Variants in ATG7 observed in about 807,000 individuals in gnomAD.
ATG7 encodes autophagy related 7, also known as ubiquitin-like modifier-activating enzyme ATG7.
Under a neutral mutation model 82.4 loss-of-function variants are expected in ATG7, and 70 were observed. That is an observed-to-expected ratio of 0.85 (90% confidence interval 0.70 to 1.04). ATG7 has a LOEUF of 1.04. Among genes scored for constraint, ATG7 ranks in the 50% least tolerant of loss-of-function variants. The pLI is 0.00. For missense variants in ATG7, 792 were observed against 864.3 expected, an observed-to-expected ratio of 0.92 and a Z score of 1.05; for synonymous variants, 287 against 313.0, an observed-to-expected ratio of 0.92 and a Z score of 0.88.
intron 19 of ATG7, among the ~76,000 whole-genome samples, chr3:11,423,635 G>T (rs1293364746): frequency 6.6e-6 from 1 of 151,384 alleles, no homozygotes; most frequent in African/African-American, 2.4e-5. Context: ...TTTTTCCAGG[G>T]GGTTAGGCTG....
intron 18 of ATG7, among the ~76,000 whole-genome samples, chr3:11,366,091 A>G (rs1364583794): frequency 6.6e-6 from 1 of 151,812 alleles, no homozygotes; most frequent in African/African-American, 2.4e-5. Context: ...GATAGTGTGC[A>G]CCTGTAATCC....
chr3:11,484,083 G>T (rs556770630), intron 20 of ATG7, among the ~76,000 whole-genome samples: 7 of 152,170 alleles, frequency 4.6e-5, no homozygotes, highest in Non-Finnish European at 5.9e-5. Context: ...CTAAGAGGAA[G>T]GTGATAGGCC....
At position 11,361,318 on chromosome 3, in the gene ATG7, C is replaced by T. The variant is rs550161947; in HGVS notation, c.1683+534C>T. Reference sequence around the variant, plus strand: ...TTTTTTTTTTGAGACAGAGTTTCGCCCTGTCACCCAGGCTCGAGTGCAGTG... The same window carrying T: ...TTTTTTTTTTGAGACAGAGTTTCGCTCTGTCACCCAGGCTCGAGTGCAGTG... On this transcript the variant is annotated intron_variant, in intron 16 of 20. Transcript: ENST00000693202. 1.3e-4 allele frequency among the ~76,000 whole-genome samples: 19 copies of T among 151,258 alleles called. No homozygotes were observed. In the South Asian group the frequency reaches 3.6e-3, roughly 28 times the overall value.
chr3:11,275,016 G>T (rs1016853389), intron 1 of ATG7, among the ~76,000 whole-genome samples: 1 of 151,914 alleles, frequency 6.6e-6, no homozygotes, highest in Non-Finnish European at 1.5e-5. Flanking sequence ...GGGTATAGTT[G>T]CAGTGATCCA....
rs528582169 is a variant in ATG7 at position 11,536,037 on chromosome 3, T to C, written c.2080-18774T>C. On this transcript the variant is annotated intron_variant, in intron 20 of 20. Coordinates refer to ENST00000693202, the MANE Select transcript of ATG7 (RefSeq NM_001349232.2). ...CCAACTGCTGGGGCCTCCATCTCCA[T>C]GGGTTCTAAAGGAAAGGGGCCTCAT... Among the ~76,000 whole-genome samples the C allele has an allele frequency of 1.7e-3, 257 of 152,184 alleles. 8 individuals are homozygous for C. Among genetic ancestry groups the C allele is most frequent in the Admixed American group, 0.013 (193 of 15,290 alleles).
At chr3:11,348,084 A>T (rs1027855060) in intron 14 of ATG7, 49 bp downstream of exon 14, 1 of 1,551,926 alleles carries the variant, frequency 6.4e-7, no homozygotes, top group Non-Finnish European at 8.7e-7. Context: ...ATAAATGTTT[A>T]AGTCTTGGGA....
chr3:11,315,264 A>G, intron 8 of ATG7, 80 bp from the exon 9 acceptor site: 1 of 1,284,118 alleles, frequency 7.8e-7, no homozygotes, highest in Non-Finnish European at 1.0e-6. Flanking sequence ...GTTTTAAGGT[A>G]CCTTTTTTTT....
chr3:11,350,300 AT>A (rs1411418440), intron 14 of ATG7, among the ~76,000 whole-genome samples: 1 of 152,252 alleles, frequency 6.6e-6, no homozygotes, highest in African/African-American at 2.4e-5. Context: ...CAACCCTGTC[AT>A]TGAGGAGGCA....
intron 19 of ATG7, among the ~76,000 whole-genome samples, chr3:11,411,140 C>G (rs2080855079): frequency 6.6e-6 from 1 of 152,082 alleles, no homozygotes; most frequent in Non-Finnish European, 1.5e-5. Flanking sequence ...AGTAGCCATT[C>G]TAATGTATGT....
chr3:11,297,858 C>T (rs1946195563), intron 3 of ATG7, among the ~76,000 whole-genome samples: 2 of 152,058 alleles, frequency 1.3e-5, no homozygotes, highest in South Asian at 4.1e-4. Flanking sequence ...CAGGACCACA[C>T]AAGATGGCAA....
intron 20 of ATG7, among the ~76,000 whole-genome samples, chr3:11,462,833 T>C (rs1414332869): frequency 6.7e-6 from 1 of 148,814 alleles, no homozygotes; most frequent in Non-Finnish European, 1.5e-5. Context: ...CTGGCTCCTC[T>C]CAGATATTTT....
At chr3:11,460,973 T>C (rs1468743947) in intron 20 of ATG7, among the ~76,000 whole-genome samples, 2 of 152,166 alleles carry the variant, frequency 1.3e-5, no homozygotes, top group African/African-American at 4.8e-5. Context: ...CTTTTCAGAA[T>C]ATATACAGTA....
At chr3:11,415,585 T>A (rs2081303756) in intron 19 of ATG7, among the ~76,000 whole-genome samples, 1 of 152,138 alleles carries the variant, frequency 6.6e-6, no homozygotes, top group Non-Finnish European at 1.5e-5. Flanking sequence ...ACATTTTTGT[T>A]AAAAACTAAG....
intron 19 of ATG7, among the ~76,000 whole-genome samples, chr3:11,400,434 A>G (rs914919042): frequency 3.3e-5 from 5 of 152,218 alleles, no homozygotes; most frequent in African/African-American, 1.2e-4. Context: ...GTGGCCAACT[A>G]GAGCTCAAGT....
At chr3:11,499,747 CA>C (rs1166664089) in intron 20 of ATG7, among the ~76,000 whole-genome samples, 4,855 of 96,328 alleles carry the variant, frequency 0.05, 197 homozygotes, top group African/African-American at 0.14. Context: ...AACTCCATCT[CA>C]AAAAAAAAAA....
Position 11,361,986 on chromosome 3 carries a change from C to T in ATG7, c.1684-827C>T, listed in dbSNP as rs533065744. Among the ~76,000 whole-genome samples the T allele has an allele frequency of 1.2e-4, 19 of 152,258 alleles. No individual in the cohort carries two copies. In the South Asian group the frequency reaches 3.5e-3, roughly 28 times the overall value. On this transcript the variant is annotated intron_variant, in intron 16 of 20. Transcript: ENST00000693202. Reference sequence around the variant, plus strand: ...CTCTTTTGGATGACTGGCTTTTATGCCCTCCCAATATAAAGAAAAGAAGAT... The same window carrying T: ...CTCTTTTGGATGACTGGCTTTTATGTCCTCCCAATATAAAGAAAAGAAGAT...
At chr3:11,520,295 C>G (rs1468658442) in intron 20 of ATG7, among the ~76,000 whole-genome samples, 1 of 152,168 alleles carries the variant, frequency 6.6e-6, no homozygotes, top group East Asian at 1.9e-4. Context: ...TTAAAACTTT[C>G]CCAGCAGTGT....
At chr3:11,440,323 C>CTTTTTTT (rs59365367) in intron 20 of ATG7, among the ~76,000 whole-genome samples, 4 of 113,842 alleles carry the variant, frequency 3.5e-5, no homozygotes, top group Admixed American at 1.0e-4. Flanking sequence ...GGCCTTTACT[C>CTTTTTTT]TTTTTTTTTT....
At chr3:11,564,730 G>A in the ATG7 span, 2 of 1,475,288 alleles carry the variant, frequency 1.4e-6, no homozygotes, top group South Asian at 1.2e-5. Flanking sequence ...TCTGCTCGGG[G>A]CTCTCCATCC....
Sources: allele counts gnomAD v4.1 joint callset (sites outside exome capture counted in the v4.1 genomes callset), GRCh38; gene constraint gnomAD v4.1.1; transcripts MANE v1.5; gene names NCBI Gene and HGNC (gene_info 2026-07-23, HGNC 2026-07-21).